The following CBFA2T2 variants were observed in gnomAD, a reference collection of about 807,000 sequenced individuals.
CBFA2T2 encodes protein CBFA2T2.
Under a neutral mutation model 62.2 loss-of-function variants are expected in CBFA2T2, and 11 were observed. The ratio of observed to expected loss-of-function variants is 0.18; its 90% CI spans 0.11 to 0.29. CBFA2T2 has a LOEUF of 0.29. Among genes scored for constraint, CBFA2T2 ranks in the 10% least tolerant of loss-of-function variants. The pLI is 1.00. For synonymous variants in CBFA2T2, 295 were observed against 287.5 expected, an observed-to-expected ratio of 1.03 and a Z score of -0.27; for missense variants, 592 against 774.1, an observed-to-expected ratio of 0.76 and a Z score of 2.79.
intron 8 of CBFA2T2, among the ~76,000 whole-genome samples, chr20:33,635,380 A>G (rs1198317347): frequency 6.6e-6 from 1 of 152,172 alleles, no homozygotes; most frequent in African/African-American, 2.4e-5. Flanking sequence ...CTGAAAGAGG[A>G]TCCAACACAA....
chr20:33,505,111 G>A (rs73904712), intron 1 of CBFA2T2, among the ~76,000 whole-genome samples: 3,122 of 152,192 alleles, frequency 0.021, 118 homozygotes, highest in African/African-American at 0.072. Flanking sequence ...AGATTGGTTC[G>A]GGTAATCAGG....
At chr20:33,574,271 A>G (rs778591869) in intron 1 of CBFA2T2, 177 of 1,611,472 alleles carry the variant, frequency 1.1e-4, no homozygotes, top group Non-Finnish European at 1.4e-4. Context: ...GGTATGTGTG[A>G]AACATTCATT....
intron 2 of CBFA2T2, among the ~76,000 whole-genome samples, chr20:33,608,479 A>G (rs2015413842): frequency 6.6e-6 from 1 of 152,224 alleles, no homozygotes; most frequent in Non-Finnish European, 1.5e-5. Flanking sequence ...GAAGTTTATT[A>G]TTTTCCAAAA....
chr20:33,630,806 A>G lies in CBFA2T2; in HGVS notation c.1228+892A>G, dbSNP rs1405500407. 9.9e-5 allele frequency among the ~76,000 whole-genome samples: 15 copies of G among 152,236 alleles called. 1 individual carries two copies. Among genetic ancestry groups the G allele is most frequent in the Non-Finnish European group, 1.5e-5 (1 of 68,032 alleles). On this transcript the variant is annotated intron_variant, in intron 8 of 10. Transcript: ENST00000342704. ...CTAGTATGTTCCATTGAAGGCAGCTATTAGTCTCTAAAAGACTGTAAGGAA... is the reference window on the plus strand; with the variant it reads ...CTAGTATGTTCCATTGAAGGCAGCTGTTAGTCTCTAAAAGACTGTAAGGAA...
intron 1 of CBFA2T2, among the ~76,000 whole-genome samples, chr20:33,493,327 C>G (rs148608174): frequency 1.4e-3 from 210 of 152,206 alleles, no homozygotes; most frequent in African/African-American, 4.8e-3. Context: ...CTGCCCGCCT[C>G]GGCTTCCCAA....
chr20:33,606,887 T>C, intron 1 of CBFA2T2, 69 bp from the exon 2 acceptor site: 2 of 1,495,622 alleles, frequency 1.3e-6, no homozygotes, highest in Non-Finnish European at 1.8e-6. Context: ...TATGTTGGTA[T>C]TTCAAATTGT....
chr20:33,571,960 G>T (rs1325582874), intron 1 of CBFA2T2, among the ~76,000 whole-genome samples: 1 of 152,102 alleles, frequency 6.6e-6, no homozygotes, highest in African/African-American at 2.4e-5. Context: ...GCACAATCCC[G>T]GCTCACCATA....
In CBFA2T2 at chr20:33,594,760, G is replaced by C. The variant is rs199795829; in HGVS notation, c.35-12196G>C. Among the ~76,000 whole-genome samples the C allele has an allele frequency of 3.5e-4, 54 of 152,288 alleles. No homozygotes were observed. The East Asian group carries it at 9.3e-3, about 26-fold the overall frequency. On this transcript the variant is annotated intron_variant, in intron 1 of 10. Coordinates refer to ENST00000342704, the MANE Select transcript of CBFA2T2 (RefSeq NM_001032999.3). ...CAGATTCTCTGAGTTCTCTGACTTT[G>C]GCTGCGTATGTGTGGCCCAGGCAGT... is the stretch of plus-strand genomic sequence containing the variant.
chr20:33,533,858 C>T (rs1296037536), intron 1 of CBFA2T2, among the ~76,000 whole-genome samples: 1 of 152,050 alleles, frequency 6.6e-6, no homozygotes, highest in Non-Finnish European at 1.5e-5. Flanking sequence ...GCCTGTAATT[C>T]CAGCTACTCA....
intron 1 of CBFA2T2, among the ~76,000 whole-genome samples, chr20:33,534,393 C>T (rs1380228463): frequency 6.6e-6 from 1 of 152,114 alleles, no homozygotes; most frequent in Admixed American, 6.6e-5. Context: ...GATCCCAGCT[C>T]GCTGCAGCCT....
At chr20:33,526,512 T>A (rs1169875407) in intron 1 of CBFA2T2, among the ~76,000 whole-genome samples, 1 of 152,226 alleles carries the variant, frequency 6.6e-6, no homozygotes, top group African/African-American at 2.4e-5. Context: ...TTTTCACTTT[T>A]TGGCTATTAT....
chr20:33,590,952 A>G (rs928313590), intron 1 of CBFA2T2, among the ~76,000 whole-genome samples: 2 of 152,066 alleles, frequency 1.3e-5, no homozygotes, highest in African/African-American at 4.8e-5. Flanking sequence ...AGGCAGGCAG[A>G]TCACTTGAGA....
chr20:33,508,519 T>C (rs1320307968), intron 1 of CBFA2T2, among the ~76,000 whole-genome samples: 1 of 152,072 alleles, frequency 6.6e-6, no homozygotes, highest in African/African-American at 2.4e-5. Context: ...TACAGATTAC[T>C]TCCTCACCCA....
chr20:33,493,645 C>T (rs1419318996), intron 1 of CBFA2T2, among the ~76,000 whole-genome samples: 1 of 151,908 alleles, frequency 6.6e-6, no homozygotes, highest in African/African-American at 2.4e-5. Flanking sequence ...TGACTACAGG[C>T]ATGTATTGCC....
chr20:33,610,129 T>TG (rs940641529), intron 2 of CBFA2T2, among the ~76,000 whole-genome samples: 1 of 151,964 alleles, frequency 6.6e-6, no homozygotes, highest in Non-Finnish European at 1.5e-5. Context: ...CAAAAAATTT[T>TG]AAAAAAAGAA....
chr20:33,623,897 A>G (rs527650900), intron 5 of CBFA2T2: 117 of 716,998 alleles, frequency 1.6e-4, no homozygotes. Flanking sequence ...CGACTGTTCC[A>G]GAAGCCTCAG....
At chr20:33,560,709 A>G (rs75966502) in intron 1 of CBFA2T2, among the ~76,000 whole-genome samples, 1,936 of 152,318 alleles carry the variant, frequency 0.013, 46 homozygotes, top group African/African-American at 0.045. Flanking sequence ...TAGAAGGTTA[A>G]GGGTTAGAGA....
chr20:33,490,380 C>T (rs1487101415), intron 1 of CBFA2T2, 79 bp downstream of exon 1: 10 of 1,203,580 alleles, frequency 8.3e-6, no homozygotes, highest in South Asian at 4.0e-5. Flanking sequence ...ATTCCGAGTG[C>T]CCCGGGCGCG....
intron 1 of CBFA2T2, among the ~76,000 whole-genome samples, chr20:33,551,775 G>T: frequency 6.6e-6 from 1 of 151,894 alleles, no homozygotes; most frequent in Non-Finnish European, 1.5e-5. Flanking sequence ...CAAGAAATCC[G>T]CCCACCTTGG....
Sources: gnomAD v4.1 joint callset for allele counts (sites outside exome capture counted in the v4.1 genomes callset) on GRCh38, gnomAD v4.1.1 for gene constraint, MANE v1.5 for transcripts, NCBI Gene and HGNC (gene_info 2026-07-23, HGNC 2026-07-21) for gene names.